CCDC141: variants seen among roughly 807,000 people sequenced by gnomAD.
The protein encoded by CCDC141 is coiled-coil domain-containing protein 141.
CCDC141 carries 168 observed loss-of-function variants against 181.0 expected under a neutral mutation model. That is an observed-to-expected ratio of 0.93 (90% CI 0.82 to 1.05). CCDC141 has a LOEUF of 1.05. Among genes scored for constraint, CCDC141 ranks in the 50% least tolerant of loss-of-function variants. The pLI, the probability that CCDC141 is intolerant of heterozygous loss-of-function variation, is 0.00. For synonymous variants in CCDC141, 666 were observed against 642.3 expected (o/e 1.04, Z -0.56); for missense variants, 1,902 against 1,788.5 (o/e 1.06, Z -1.14).
chr2:178,846,657 G>A (rs1684952297), intron 21 of CCDC141, among the ~76,000 whole-genome samples: 1 of 152,040 alleles, frequency 6.6e-6, no homozygotes, highest in East Asian at 1.9e-4. Context: ...AATATCAGCT[G>A]GTGTGGAAAG....
chr2:178,979,205 C>A (rs1284561558), intron 2 of CCDC141, among the ~76,000 whole-genome samples: 1 of 151,852 alleles, frequency 6.6e-6, no homozygotes, highest in Non-Finnish European at 1.5e-5. Context: ...ACTGTTTGAA[C>A]AAAATATGAA....
the CCDC141 span, among the ~76,000 whole-genome samples, chr2:178,818,343 T>C: frequency 1.3e-5 from 2 of 152,332 alleles, no homozygotes; most frequent in South Asian, 2.1e-4. Flanking sequence ...TAGGTAAACA[T>C]GTGCCATGGT....
At chr2:178,920,692 C>CCA (rs1268468115) in intron 6 of CCDC141, among the ~76,000 whole-genome samples, 1 of 99,442 alleles carries the variant, frequency 1.0e-5, no homozygotes, top group South Asian at 4.3e-4. Context: ...TCACTGAACT[C>CCA]CATACACACA....
At chr2:179,016,555 G>A (rs1322931504) in intron 2 of CCDC141, among the ~76,000 whole-genome samples, 1 of 152,068 alleles carries the variant, frequency 6.6e-6, no homozygotes, top group African/African-American at 2.4e-5. Flanking sequence ...GAGTACAGGA[G>A]TCACGTCATA....
At chr2:178,932,689 C>G (rs1364400414) in intron 6 of CCDC141, among the ~76,000 whole-genome samples, 1 of 152,066 alleles carries the variant, frequency 6.6e-6, no homozygotes, top group Non-Finnish European at 1.5e-5. Context: ...TTTCCTATTT[C>G]CATATACACC....
intron 2 of CCDC141, among the ~76,000 whole-genome samples, chr2:178,985,833 C>G (rs911478674): frequency 3.3e-5 from 5 of 152,112 alleles, no homozygotes; most frequent in African/African-American, 1.2e-4. Context: ...CAATAGTGTA[C>G]CAACCAAAAA....
At chr2:178,982,537 A>G (rs1029665915) in intron 2 of CCDC141, among the ~76,000 whole-genome samples, 14 of 152,196 alleles carry the variant, frequency 9.2e-5, no homozygotes, top group Non-Finnish European at 1.8e-4. Flanking sequence ...TGATTTCTGC[A>G]TTTCCATCTG....
chr2:179,040,595 T>G (rs547620953), intron 2 of CCDC141, among the ~76,000 whole-genome samples: 5 of 152,316 alleles, frequency 3.3e-5, no homozygotes, highest in African/African-American at 1.2e-4. Context: ...CCATGTGGTC[T>G]CATCATTCAG....
At chr2:178,926,712 A>G (rs1688920321) in intron 6 of CCDC141, 1 of 152,248 alleles carries the variant, frequency 6.6e-6, no homozygotes, top group Non-Finnish European at 1.5e-5. Context: ...GGATATAAAG[A>G]ACAAGTTCTA....
At chr2:178,930,520 G>A (rs1689063029) in intron 6 of CCDC141, among the ~76,000 whole-genome samples, 1 of 152,026 alleles carries the variant, frequency 6.6e-6, no homozygotes, top group Non-Finnish European at 1.5e-5. Flanking sequence ...TAAATAAGAA[G>A]AAAATTAGAG....
At chr2:178,890,227 G>T (rs2154371087) in intron 8 of CCDC141, among the ~76,000 whole-genome samples, 1 of 152,258 alleles carries the variant, frequency 6.6e-6, no homozygotes, top group South Asian at 2.1e-4. Context: ...AAGGAATTTG[G>T]AAATGATTAA....
At chr2:178,993,390 A>G (rs1034477750) in intron 2 of CCDC141, among the ~76,000 whole-genome samples, 1 of 152,188 alleles carries the variant, frequency 6.6e-6, no homozygotes, top group South Asian at 2.1e-4. Context: ...TTACGTGGAT[A>G]GTGCCAGGCA....
At chr2:179,013,885 G>C (rs979594928) in intron 2 of CCDC141, among the ~76,000 whole-genome samples, 9 of 144,142 alleles carry the variant, frequency 6.2e-5, no homozygotes, top group African/African-American at 2.0e-4. Flanking sequence ...GTGAACCTGG[G>C]AGGTGGAACT....
In CCDC141 at chr2:178,969,104, C is replaced by CAAAA. The variant is rs55999054; in HGVS notation, c.526+5949_526+5952dup. Among the ~76,000 whole-genome samples the CAAAA allele has an allele frequency of 5.7e-4, 29 of 51,190 alleles. 1 individual carries two copies. Among genetic ancestry groups the CAAAA allele is most frequent in the African/African-American group, 2.1e-3 (27 of 12,784 alleles). The allele number at this position is 51,190 out of a possible 152,430, so 33.6% of individuals were successfully genotyped here. On this transcript the variant is annotated intron_variant, in intron 4 of 23. Coordinates refer to ENST00000443758, the MANE Select transcript of CCDC141 (RefSeq NM_173648.4). ...AGGCAGTAATTAATAGCTTACCAAC[C>CAAAA]AAAAAAAAAAAAAAAAAAAAAAAAA...
At chr2:179,043,690 C>G (rs546881995) in intron 2 of CCDC141, among the ~76,000 whole-genome samples, 34 of 152,246 alleles carry the variant, frequency 2.2e-4, no homozygotes, top group African/African-American at 7.0e-4. Flanking sequence ...ATAACAAAAG[C>G]CATATATGAC....
intron 3 of CCDC141, among the ~76,000 whole-genome samples, chr2:178,977,181 T>C (rs1559020903): frequency 6.6e-6 from 1 of 152,118 alleles, no homozygotes; most frequent in Admixed American, 6.6e-5. Flanking sequence ...AGTATAAGAG[T>C]GTTGGGCTTA....
At chr2:178,918,605 T>G (rs1688553579) in intron 7 of CCDC141, 108 bp downstream of exon 7, 1 of 851,818 alleles carries the variant, frequency 1.2e-6, no homozygotes, top group Non-Finnish European at 1.8e-6. Context: ...AGTTTTGAAA[T>G]TTTACATGGC....
intron 2 of CCDC141, among the ~76,000 whole-genome samples, chr2:178,981,403 G>C (rs934591498): frequency 4.0e-5 from 6 of 151,242 alleles, no homozygotes; most frequent in Non-Finnish European, 8.8e-5. Context: ...TATACTCTCA[G>C]ACCACAAAAG....
chr2:178,948,620 A>T (rs1245020257), intron 5 of CCDC141, among the ~76,000 whole-genome samples: 2 of 152,102 alleles, frequency 1.3e-5, no homozygotes, highest in African/African-American at 4.8e-5. Context: ...ATGGCATCTA[A>T]TGGAAGGTAT....
Sources: allele counts gnomAD v4.1 joint callset (sites outside exome capture counted in the v4.1 genomes callset), GRCh38; gene constraint gnomAD v4.1.1; transcripts MANE v1.5; gene names NCBI Gene and HGNC (gene_info 2026-07-23, HGNC 2026-07-21).